SATL1: variants seen among roughly 807,000 people sequenced by gnomAD.
The protein encoded by SATL1 is spermidine/spermine N1-acetyl transferase like 1, also known as spermidine/spermine N(1)-acetyltransferase-like protein 1.
In SATL1, 47 loss-of-function variants were observed where a neutral mutation model predicts 51.8. The ratio of observed to expected loss-of-function variants is 0.91; its 90% CI spans 0.72 to 1.16. The LOEUF (loss-of-function observed/expected upper bound fraction) is 1.16, where lower values mean the gene tolerates loss of function less well. Ranked by LOEUF, SATL1 falls within the 50% of genes most tolerant of loss-of-function variation. The pLI, the probability that SATL1 is intolerant of heterozygous loss-of-function variation, is 0.00. For missense variants in SATL1, 520 were observed against 526.4 expected (o/e 0.99, Z 0.12); for synonymous variants, 176 against 182.4 (o/e 0.97, Z 0.28).
Position 85,092,621 on chromosome X carries a change from C to T in SATL1, c.1918-60G>A, listed in dbSNP as rs984536049. 1.8e-5 allele frequency: 19 copies of T among 1,035,788 alleles called. No homozygotes were observed. The African/African-American group carries it at 2.8e-4, about 15-fold the overall frequency. 85.4% of individuals were successfully genotyped at this position (1,035,788 alleles called of 1,213,427 possible). On this transcript the variant is annotated intron_variant, in intron 7 of 7. Transcript: ENST00000644105. ...TTTGAAAGTATAATCTTCGTTAACA[C>T]ATATATTTTATTGAAGGTCTACTCT... is the stretch of plus-strand genomic sequence containing the variant.
intron 2 of SATL1, among the ~76,000 whole-genome samples, chrX:85,189,857 G>A (rs16980164): frequency 0.28 from 31,184 of 111,224 alleles, 5,080 homozygotes; most frequent in African/African-American, 0.62. Flanking sequence ...CTCTTCTTTA[G>A]TCATTTCTTT....
chrX:85,194,592 T>TATTCACAATA (rs1927511434), intron 2 of SATL1, among the ~76,000 whole-genome samples: 1 of 110,931 alleles, frequency 9.0e-6, no homozygotes. Context: ...AAAAGGACAG[T>TATTCACAATA]ATTCACAATA....
chrX:85,153,255 C>G (rs931563435), intron 2 of SATL1, among the ~76,000 whole-genome samples: 1 of 110,999 alleles, frequency 9.0e-6, no homozygotes, highest in Non-Finnish European at 1.9e-5. Flanking sequence ...ACAGACTGGC[C>G]AAGTTAGTCT....
At chrX:85,163,999 A>C (rs766359802) in intron 2 of SATL1, among the ~76,000 whole-genome samples, 2 of 112,149 alleles carry the variant, frequency 1.8e-5, no homozygotes, top group South Asian at 7.4e-4. Flanking sequence ...TAGTCCTTTT[A>C]TCATTATATA....
intron 1 of SATL1, among the ~76,000 whole-genome samples, chrX:85,236,887 G>A (rs1196002743): frequency 9.0e-6 from 1 of 111,583 alleles, no homozygotes; most frequent in Non-Finnish European, 1.9e-5. Context: ...AAAGGAAGAA[G>A]TCAAATTATC....
intron 2 of SATL1, among the ~76,000 whole-genome samples, chrX:85,142,193 G>A (rs1001511298): frequency 7.5e-5 from 8 of 106,401 alleles, no homozygotes; most frequent in East Asian, 3.0e-4. Context: ...TTAGGAGATC[G>A]AGACCATCCT....
At chrX:85,114,104 G>T (rs1410353113) in intron 2 of SATL1, among the ~76,000 whole-genome samples, 1 of 111,745 alleles carries the variant, frequency 8.9e-6, no homozygotes, top group East Asian at 2.8e-4. Context: ...CATTACAAAA[G>T]AAAACAGATT....
chrX:85,218,412 A>G (rs1218993014), intron 2 of SATL1, among the ~76,000 whole-genome samples: 1 of 111,946 alleles, frequency 8.9e-6, no homozygotes, highest in Non-Finnish European at 1.9e-5. Flanking sequence ...CCTGGAATAG[A>G]AAAGTAAATT....
chrX:85,178,180 A>G (rs932136079), intron 2 of SATL1, among the ~76,000 whole-genome samples: 1 of 111,338 alleles, frequency 9.0e-6, no homozygotes, highest in Non-Finnish European at 1.9e-5. Flanking sequence ...AATAAATAAC[A>G]TTTAGCTCAC....
At chrX:85,168,841 C>G (rs1008767610) in intron 2 of SATL1, among the ~76,000 whole-genome samples, 2 of 111,631 alleles carry the variant, frequency 1.8e-5, no homozygotes, top group African/African-American at 6.5e-5. Flanking sequence ...AAGAACAAAG[C>G]TGGAGCTATC....
intron 2 of SATL1, among the ~76,000 whole-genome samples, chrX:85,163,096 T>G (rs1257034921): frequency 9.0e-6 from 1 of 110,781 alleles, no homozygotes; most frequent in Non-Finnish European, 1.9e-5. Context: ...TCTCTACCTT[T>G]TGGAACAGTT....
chrX:85,217,269 A>C (rs1003272929), intron 2 of SATL1, among the ~76,000 whole-genome samples: 1 of 111,264 alleles, frequency 9.0e-6, no homozygotes, highest in African/African-American at 3.3e-5. Context: ...GTGTATCAGT[A>C]TTACCCTTAA....
chrX:85,117,714 C>T (rs1430558957), intron 2 of SATL1, among the ~76,000 whole-genome samples: 2 of 111,343 alleles, frequency 1.8e-5, no homozygotes, highest in African/African-American at 6.5e-5. Context: ...CCATAAGCAA[C>T]AATTACTTTT....
intron 2 of SATL1, chrX:85,156,585 T>C (rs1035454559): frequency 9.2e-6 from 1 of 108,795 alleles, no homozygotes; most frequent in African/African-American, 3.4e-5. Context: ...TGATGACAGG[T>C]AGAGTACAGG....
At chrX:85,185,289 G>A (rs73234626) in intron 2 of SATL1, among the ~76,000 whole-genome samples, 12,468 of 112,418 alleles carry the variant, frequency 0.11, 576 homozygotes, top group South Asian at 0.18. Context: ...CCTGAAGCCA[G>A]CACTGTATTT....
chrX:85,227,910 A>G (rs1323770107), intron 1 of SATL1, among the ~76,000 whole-genome samples: 4 of 111,392 alleles, frequency 3.6e-5, no homozygotes, highest in Non-Finnish European at 7.6e-5. Context: ...TTAAAGCACC[A>G]TCTTTTAGAG....
Position 85,108,723 on chromosome X carries a change from T to C in SATL1, c.246A>G (p.Leu82=), listed in dbSNP as rs1254517342. The stretch of plus-strand genomic sequence containing the variant: ...GCAGCATGCCTGGTTGGCTCCTACC[T>C]AATTGCCATGTGTCTGGTTGTTTCA... The part of the protein sequence containing the change: ...PDMKQPDTWQ[L]GRSQPGMLQQ... Residue 82 remains leucine, a synonymous_variant, in exon 3 of 8, where the codon TTA becomes TTG. Transcript: ENST00000644105. The C allele has an allele frequency of 1.7e-6, 2 of 1,206,611 alleles. No individual in the cohort carries two copies.
chrX:85,193,870 T>C (rs1349003965), intron 2 of SATL1, among the ~76,000 whole-genome samples: 1 of 112,356 alleles, frequency 8.9e-6, no homozygotes, highest in East Asian at 2.8e-4. Context: ...TATGACTGCA[T>C]AGTATTCCAT....
intron 2 of SATL1, among the ~76,000 whole-genome samples, chrX:85,148,358 C>G (rs184907501): frequency 2.7e-5 from 3 of 109,317 alleles, no homozygotes; most frequent in Non-Finnish European, 3.8e-5. Context: ...CTGAAAGTGA[C>G]GGGGAGAATG....
Sources: allele counts gnomAD v4.1 joint callset (sites outside exome capture counted in the v4.1 genomes callset), GRCh38; gene constraint gnomAD v4.1.1; transcripts MANE v1.5; gene names NCBI Gene and HGNC (gene_info 2026-07-23, HGNC 2026-07-21).